Variants in CEP128 observed in about 807,000 individuals in gnomAD.
CEP128 encodes the protein centrosomal protein 128.
CEP128 carries 132 observed loss-of-function variants against 156.7 expected under a neutral mutation model. The ratio of observed to expected loss-of-function variants is 0.84; its 90% CI spans 0.73 to 0.97. The LOEUF (loss-of-function observed/expected upper bound fraction) is 0.97. CEP128 is among the 50% of genes least tolerant of loss of function. CEP128 has a pLI of 0.00. For synonymous variants in CEP128, 469 were observed against 448.9 expected, an observed-to-expected ratio of 1.04 and a Z score of -0.57; for missense variants, 1,252 against 1,281.9, an observed-to-expected ratio of 0.98 and a Z score of 0.36.
At chr14:80,651,162 G>C (rs1162745122) in intron 19 of CEP128, among the ~76,000 whole-genome samples, 1 of 152,072 alleles carries the variant, frequency 6.6e-6, no homozygotes, top group Non-Finnish European at 1.5e-5. Flanking sequence ...TATATGTCCA[G>C]GAACTTTTCC....
chr14:80,661,686 T>TC (rs1895409608), intron 19 of CEP128, among the ~76,000 whole-genome samples: 1 of 152,188 alleles, frequency 6.6e-6, no homozygotes, highest in Non-Finnish European at 1.5e-5. Context: ...TCTTATCTTT[T>TC]CATTAAAGCA....
At chr14:80,493,858 A>G (rs1887406390), downstream of CEP128, among the ~76,000 whole-genome samples, 1 of 152,220 alleles carries the variant, frequency 6.6e-6, no homozygotes, top group Non-Finnish European at 1.5e-5. Flanking sequence ...TGAGGGCCAG[A>G]TGAGGTTAGA....
chr14:80,669,686 G>C (rs1478090736), intron 19 of CEP128, among the ~76,000 whole-genome samples: 1 of 152,074 alleles, frequency 6.6e-6, no homozygotes, highest in African/African-American at 2.4e-5. Context: ...AGGATGTGGA[G>C]AAAAAGGAGC....
At chr14:80,691,182 GT>G (rs1226517767) in intron 19 of CEP128, among the ~76,000 whole-genome samples, 12 of 152,214 alleles carry the variant, frequency 7.9e-5, no homozygotes, top group African/African-American at 2.9e-4. Context: ...TCATTCTTAT[GT>G]TCCTGGCCTT....
chr14:80,827,957 T>TCA (rs1328479599), intron 13 of CEP128, among the ~76,000 whole-genome samples: 1 of 152,026 alleles, frequency 6.6e-6, no homozygotes, highest in African/African-American at 2.4e-5. Flanking sequence ...GTCTCCTGGG[T>TCA]CACACACAGA....
intron 17 of CEP128, among the ~76,000 whole-genome samples, chr14:80,758,432 GA>G (rs1405577036): frequency 6.6e-6 from 1 of 150,936 alleles, no homozygotes; most frequent in Non-Finnish European, 1.5e-5. Context: ...TGAGGCAAGA[GA>G]ATTGCTTGAA....
At chr14:80,637,352 T>G (rs367917766) in intron 19 of CEP128, among the ~76,000 whole-genome samples, 2 of 151,842 alleles carry the variant, frequency 1.3e-5, no homozygotes, top group African/African-American at 4.8e-5. Flanking sequence ...ATCAGGAAAA[T>G]CCTTAAAAGT....
At chr14:80,489,453 A>G (rs1333674232), downstream of CEP128, among the ~76,000 whole-genome samples, 1 of 135,342 alleles carries the variant, frequency 7.4e-6, no homozygotes, top group Non-Finnish European at 1.7e-5. Context: ...GGTAGGTAAT[A>G]TTATAATTTC....
chr14:80,480,688 C>A (rs1033536282), intron 14 of CEP128, among the ~76,000 whole-genome samples: 1 of 152,148 alleles, frequency 6.6e-6, no homozygotes, highest in Non-Finnish European at 1.5e-5. Context: ...GCTCTGCTTC[C>A]CTTATAAAAC....
intron 19 of CEP128, among the ~76,000 whole-genome samples, chr14:80,617,570 G>A (rs1405781516): frequency 1.3e-5 from 2 of 152,114 alleles, no homozygotes; most frequent in African/African-American, 4.8e-5. Context: ...AAGGTGGGGG[G>A]TGGACTGGTA....
chr14:80,868,726 G>T (rs1475909213), intron 8 of CEP128, among the ~76,000 whole-genome samples: 3 of 151,972 alleles, frequency 2.0e-5, no homozygotes, highest in Non-Finnish European at 2.9e-5. Flanking sequence ...TTTTTCTAAT[G>T]ACCCAACTGT....
At chr14:80,805,520 T>C (rs1324065113) in intron 13 of CEP128, among the ~76,000 whole-genome samples, 1 of 152,146 alleles carries the variant, frequency 6.6e-6, no homozygotes, top group African/African-American at 2.4e-5. Context: ...CTAACTGATA[T>C]TATAAAGTTT....
intron 19 of CEP128, among the ~76,000 whole-genome samples, chr14:80,698,456 G>A (rs970086122): frequency 6.6e-6 from 1 of 152,098 alleles, no homozygotes; most frequent in African/African-American, 2.4e-5. Context: ...ATAACCCTCA[G>A]AGGTAGGTAC....
At chr14:80,751,198 T>G (rs989817533) in intron 18 of CEP128, among the ~76,000 whole-genome samples, 1 of 152,342 alleles carries the variant, frequency 6.6e-6, no homozygotes, top group Non-Finnish European at 1.5e-5. Context: ...ATTAATATAA[T>G]ATGACCTATG....
At chr14:80,597,048 AAAGAT>A (rs1892361228) in intron 19 of CEP128, among the ~76,000 whole-genome samples, 1 of 151,922 alleles carries the variant, frequency 6.6e-6, no homozygotes, top group South Asian at 2.1e-4. Flanking sequence ...CAGAAGTAAT[AAAGAT>A]AAGAACAAAA....
chr14:80,577,404 C>A (rs918820583), intron 20 of CEP128, among the ~76,000 whole-genome samples: 9 of 152,182 alleles, frequency 5.9e-5, no homozygotes, highest in Admixed American at 2.6e-4. Context: ...TTGAACTGAT[C>A]AACTTCCTCC....
intron 17 of CEP128, among the ~76,000 whole-genome samples, chr14:80,760,125 C>T (rs1005439089): frequency 6.6e-6 from 1 of 151,224 alleles, no homozygotes; most frequent in Non-Finnish European, 1.5e-5. Context: ...TATGACAAGT[C>T]TTAAATTTAA....
chr14:80,816,694 A>G (rs1884878785), intron 13 of CEP128, among the ~76,000 whole-genome samples: 1 of 152,200 alleles, frequency 6.6e-6, no homozygotes, highest in African/African-American at 2.4e-5. Context: ...TATCTGGAAC[A>G]AGGCATGAGG....
chr14:80,870,279 A>G (rs954070479), intron 8 of CEP128, among the ~76,000 whole-genome samples: 2 of 152,022 alleles, frequency 1.3e-5, no homozygotes, highest in Non-Finnish European at 2.9e-5. Flanking sequence ...GACCAAAGAC[A>G]CTACTAAAAA....
Sources: gnomAD v4.1 joint callset for allele counts (sites outside exome capture counted in the v4.1 genomes callset) on GRCh38, gnomAD v4.1.1 for gene constraint, MANE v1.5 for transcripts, NCBI Gene and HGNC (gene_info 2026-07-23, HGNC 2026-07-21) for gene names.